The following BCL2L1 variants were observed in gnomAD, a reference collection of about 807,000 sequenced individuals.
BCL2L1 encodes the protein bcl-2-like protein 1.
BCL2L1 carries 1 observed loss-of-function variant against 18.7 expected under a neutral mutation model. The ratio of observed to expected loss-of-function variants is 0.05; its 90% confidence interval spans 0.02 to 0.25. The LOEUF is 0.25. BCL2L1 is among the 10% of genes least tolerant of loss of function. BCL2L1 has a pLI of 1.00. For synonymous variants in BCL2L1, 103 were observed against 122.7 expected, an observed-to-expected ratio of 0.84 and a Z score of 1.06; for missense variants, 207 against 304.9, an observed-to-expected ratio of 0.68 and a Z score of 2.39.
intron 2 of BCL2L1, among the ~76,000 whole-genome samples, chr20:31,672,778 G>A (rs368825589): frequency 6.6e-6 from 1 of 152,222 alleles, no homozygotes; most frequent in Admixed American, 6.5e-5. Flanking sequence ...AAGTGCCAGA[G>A]GACCAGCCAG....
intron 2 of BCL2L1, among the ~76,000 whole-genome samples, chr20:31,702,202 A>G (rs1477601176): frequency 6.6e-6 from 1 of 152,242 alleles, no homozygotes; most frequent in Non-Finnish European, 1.5e-5. Context: ...GCAACTACAA[A>G]GGCCCTTGGG....
At chr20:31,706,706 A>T (rs2061373539) in intron 2 of BCL2L1, among the ~76,000 whole-genome samples, 1 of 152,248 alleles carries the variant, frequency 6.6e-6, no homozygotes, top group Non-Finnish European at 1.5e-5. Flanking sequence ...GCTTCTACTC[A>T]AAAAATGCTT....
intron 2 of BCL2L1, among the ~76,000 whole-genome samples, chr20:31,717,053 T>G (rs1022093593): frequency 2.6e-5 from 4 of 152,082 alleles, no homozygotes; most frequent in African/African-American, 4.8e-5. Flanking sequence ...TGGAATTAGG[T>G]TGGAGGTTGG....
At chr20:31,713,687 A>G in intron 2 of BCL2L1, 1 of 697,646 alleles carries the variant, frequency 1.4e-6, no homozygotes, top group Non-Finnish European at 1.8e-6. Flanking sequence ...CAATATGTAA[A>G]AAAAGAGAAG....
chr20:31,723,554 G>C, upstream of BCL2L1: 1 of 984,732 alleles, frequency 1.0e-6, no homozygotes, highest in Non-Finnish European at 1.2e-6. Context: ...CCACCGCCCC[G>C]TTGCTAGGCA....
In BCL2L1 at chr20:31,697,892, G is replaced by GT. The variant is rs199575410; in HGVS notation, c.564+23762dup. ...AGAATCCTCAGCATGTGCTGTTGCTGTTTTTTTTTTTTTGAGACGGAGTCT... is the reference window on the plus strand; with the variant it reads ...AGAATCCTCAGCATGTGCTGTTGCTGTTTTTTTTTTTTTTGAGACGGAGTCT... On this transcript the variant is annotated intron_variant, in intron 2 of 2. Coordinates refer to ENST00000307677, the MANE Select transcript of BCL2L1 (RefSeq NM_138578.3). 5.9e-3 allele frequency among the ~76,000 whole-genome samples: 766 copies of GT among 129,514 alleles called. 11 individuals carry two copies. The highest frequency in any genetic ancestry group is 0.022 in the East Asian group (102 of 4,698). 85.0% of individuals were successfully genotyped at this position (129,514 alleles called of 152,430 possible).
Position 31,679,582 on chromosome 20 carries a change from C to A in BCL2L1, c.565-13496G>T, listed in dbSNP as rs774859353. Among the ~76,000 whole-genome samples, 17 of 152,320 alleles carry A rather than the reference C, an allele frequency of 1.1e-4. 1 individual carries two copies. In the Middle Eastern group the frequency reaches 0.014, roughly 122 times the overall value. The stretch of plus-strand genomic sequence containing the variant: ...AAAATGAAAACAGCTGTACTTACTT[C>A]ACAGGCCTAGCAGCAGAGTTCAATG... On this transcript the variant is annotated intron_variant, in intron 2 of 2. Coordinates refer to ENST00000307677, the MANE Select transcript of BCL2L1 (RefSeq NM_138578.3).
At chr20:31,713,380 CA>C in intron 2 of BCL2L1, 1 of 985,180 alleles carries the variant, frequency 1.0e-6, no homozygotes, top group Non-Finnish European at 1.2e-6. Flanking sequence ...GGGACACGTC[CA>C]AAAAAAGTAG....
intron 2 of BCL2L1, among the ~76,000 whole-genome samples, chr20:31,687,155 C>A (rs1251675009): frequency 6.6e-6 from 1 of 152,044 alleles, no homozygotes; most frequent in Non-Finnish European, 1.5e-5. Context: ...TCCATCTCTA[C>A]AAAAACAAAA....
At chr20:31,674,941 TCTGAGCCAGGGCCA>T (rs2060735609) in intron 2 of BCL2L1, among the ~76,000 whole-genome samples, 1 of 151,494 alleles carries the variant, frequency 6.6e-6, no homozygotes, top group Non-Finnish European at 1.5e-5. Flanking sequence ...AACCCCATAT[TCTGAGCCAGGGCCA>T]TGGCCCTGGG....
At chr20:31,713,813 C>T (rs949788956) in intron 2 of BCL2L1, among the ~76,000 whole-genome samples, 6 of 152,222 alleles carry the variant, frequency 3.9e-5, no homozygotes, top group African/African-American at 1.2e-4. Flanking sequence ...AGTTAAAAGA[C>T]TTGCCCAAGG....
chr20:31,685,219 G>A (rs1399597197), intron 2 of BCL2L1, among the ~76,000 whole-genome samples: 2 of 151,856 alleles, frequency 1.3e-5, no homozygotes, highest in South Asian at 2.1e-4. Context: ...TGGCTAACAC[G>A]GTGAAACCCC....
At chr20:31,689,288 G>GAGGGGA (rs1568869552) in intron 2 of BCL2L1, among the ~76,000 whole-genome samples, 1 of 100,902 alleles carries the variant, frequency 9.9e-6, no homozygotes, top group Non-Finnish European at 2.1e-5. Context: ...CAGGGGAGGG[G>GAGGGGA]AGGGAAGGAA....
chr20:31,670,376 G>T (rs1159325147), intron 2 of BCL2L1, among the ~76,000 whole-genome samples: 1 of 152,194 alleles, frequency 6.6e-6, no homozygotes, highest in Non-Finnish European at 1.5e-5. Flanking sequence ...GAGGCCAAAT[G>T]TCTCTCAAGA....
chr20:31,702,661 G>C (rs2061297477), intron 2 of BCL2L1, among the ~76,000 whole-genome samples: 1 of 151,606 alleles, frequency 6.6e-6, no homozygotes, highest in African/African-American at 2.4e-5. Context: ...TTACAGGCAT[G>C]TGCCACCAAG....
intron 2 of BCL2L1, among the ~76,000 whole-genome samples, chr20:31,689,493 C>T (rs2061024234): frequency 6.7e-6 from 1 of 148,946 alleles, no homozygotes; most frequent in African/African-American, 2.5e-5. Flanking sequence ...CTGGAAGAAA[C>T]AAGGGAAGGT....
intron 2 of BCL2L1, among the ~76,000 whole-genome samples, chr20:31,696,232 T>C (rs1398484836): frequency 6.6e-6 from 1 of 152,200 alleles, no homozygotes; most frequent in Non-Finnish European, 1.5e-5. Context: ...AATGAACAAA[T>C]GAATGAATGA....
At chr20:31,677,083 C>T (rs748104458) in intron 2 of BCL2L1, among the ~76,000 whole-genome samples, 20 of 152,128 alleles carry the variant, frequency 1.3e-4, no homozygotes, top group African/African-American at 2.7e-4. Context: ...GCTGCCAGAG[C>T]ACAGAGCAGG....
intron 2 of BCL2L1, among the ~76,000 whole-genome samples, chr20:31,683,478 C>T (rs148493281): frequency 5.9e-4 from 90 of 152,286 alleles, no homozygotes; most frequent in Non-Finnish European, 1.1e-3. Context: ...AGAATGTAAA[C>T]TTCATGATGG....
Sources: allele counts gnomAD v4.1 joint callset (sites outside exome capture counted in the v4.1 genomes callset), GRCh38; gene constraint gnomAD v4.1.1; transcripts MANE v1.5; gene names NCBI Gene and HGNC (gene_info 2026-07-23, HGNC 2026-07-21).